ALDH1A1: variants seen among roughly 807,000 people sequenced by gnomAD.
ALDH1A1 encodes aldehyde dehydrogenase 1A1.
ALDH1A1 carries 19 observed loss-of-function variants against 62.1 expected under a neutral mutation model. The observed-to-expected ratio is 0.31, with a 90% CI of 0.21 to 0.45. The LOEUF (loss-of-function observed/expected upper bound fraction) is 0.45. ALDH1A1 is among the 20% of genes least tolerant of loss of function. The pLI, the probability that ALDH1A1 is intolerant of heterozygous loss-of-function variation, is 1.00. For synonymous variants in ALDH1A1, 231 were observed against 215.9 expected, an observed-to-expected ratio of 1.07 and a Z score of -0.61; for missense variants, 521 against 607.1, an observed-to-expected ratio of 0.86 and a Z score of 1.49.
intron 2 of ALDH1A1, among the ~76,000 whole-genome samples, chr9:72,936,465 G>A (rs981261491): frequency 6.6e-6 from 1 of 152,136 alleles, no homozygotes; most frequent in Non-Finnish European, 1.5e-5. Flanking sequence ...GAGAGAGAAA[G>A]TATGTAGCTC....
chr9:72,902,570 A>G (rs1241748361), intron 12 of ALDH1A1, among the ~76,000 whole-genome samples: 5 of 152,036 alleles, frequency 3.3e-5, no homozygotes, highest in Admixed American at 6.6e-5. Context: ...TAATATTTTA[A>G]TAAGTATTTT....
intron 10 of ALDH1A1, among the ~76,000 whole-genome samples, chr9:72,911,509 C>G (rs543052806): frequency 6.6e-6 from 1 of 152,150 alleles, no homozygotes; most frequent in Non-Finnish European, 1.5e-5. Flanking sequence ...TTTCCCAACC[C>G]TCATCCTCCA....
intron 1 of ALDH1A1, among the ~76,000 whole-genome samples, chr9:72,947,671 A>G (rs1407375088): frequency 6.6e-6 from 1 of 151,966 alleles, no homozygotes; most frequent in Non-Finnish European, 1.5e-5. Context: ...TTGATATTTA[A>G]GGAAAAAAGG....
intron 12 of ALDH1A1, 63 bp from the exon 13 acceptor site, chr9:72,901,343 T>A (rs1289620361): frequency 2.6e-6 from 3 of 1,163,304 alleles, no homozygotes; most frequent in Admixed American, 1.8e-5. Context: ...TATACTGTAG[T>A]TCATGTTTGG....
In ALDH1A1 at chr9:72,940,284, C is replaced by T. The variant is rs201264487; in HGVS notation, c.67-32G>A. 3.7e-5 allele frequency: 57 copies of T among 1,537,868 alleles called. No individual in the cohort carries two copies. The African/African-American group carries it at 5.1e-4, about 14-fold the overall frequency. ...AGATGAAGAGAAAATACATACAAGG[C>T]GCTTAAATATGCAGAAAATTTTGGA... On this transcript the variant is annotated intron_variant, in intron 1 of 12. Coordinates refer to ENST00000297785, the MANE Select transcript of ALDH1A1 (RefSeq NM_000689.5).
intron 1 of ALDH1A1, among the ~76,000 whole-genome samples, chr9:72,944,882 C>G (rs531386059): frequency 6.6e-6 from 1 of 152,110 alleles, no homozygotes; most frequent in Admixed American, 6.6e-5. Flanking sequence ...ATTATAAATG[C>G]CTATGCATAC....
At position 72,928,885 on chromosome 9, in the gene ALDH1A1, T is replaced by C; in HGVS notation, c.442+7A>G. On this transcript the variant is annotated splice_region_variant and intron_variant, in intron 4 of 12. Transcript: ENST00000297785. ...CTCACCATTAGTGGTTTCTCAAAGATACTTACCAATTGGTATTGTACGGCC... is the reference window on the plus strand; with the variant it reads ...CTCACCATTAGTGGTTTCTCAAAGACACTTACCAATTGGTATTGTACGGCC... 6.2e-7 allele frequency: 1 copy of C among 1,613,156 alleles called. No homozygotes were observed. The highest frequency in any genetic ancestry group is 8.5e-7 in the Non-Finnish European group (1 of 1,179,598).
chr9:72,945,177 T>A lies in ALDH1A1; in HGVS notation c.67-4925A>T, dbSNP rs1830461560. 2.6e-5 allele frequency among the ~76,000 whole-genome samples: 4 copies of A among 152,082 alleles called. No homozygotes were observed. In the South Asian group the frequency reaches 8.3e-4, roughly 31 times the overall value. Reference sequence around the variant, plus strand: ...ATAAGCATAATTTTCTCAAAATATTTCTGGCTTGGATAAAGCTAGTTTTGA... The same window carrying A: ...ATAAGCATAATTTTCTCAAAATATTACTGGCTTGGATAAAGCTAGTTTTGA... On this transcript the variant is annotated intron_variant, in intron 1 of 12. Transcript: ENST00000297785.
chr9:72,911,989 A>G lies in ALDH1A1; in HGVS notation c.1169T>C (p.Val390Ala). The G allele has an allele frequency of 1.9e-6, 3 of 1,614,014 alleles. No homozygotes were observed. Among genetic ancestry groups the G allele is most frequent in the Non-Finnish European group, 2.5e-6 (3 of 1,179,916 alleles). ...YFVQPTVFSN[V>A]TDEMRIAKEE... ...TTTGGCAATGCGCATCTCATCTGTA[A>G]CATTAGAGAACACTGTGGGCTGGAC... The change falls in exon 10 of 13, where the codon GTT becomes GCT. Residue 390 changes from valine to alanine, a missense_variant. Val to Ala is a moderately conservative substitution (Grantham distance 64). Coordinates refer to ENST00000297785, the MANE Select transcript of ALDH1A1 (RefSeq NM_000689.5).
chr9:72,908,552 G>GAAAAGAAAGAAGA (rs1363942326), intron 11 of ALDH1A1, among the ~76,000 whole-genome samples: 1 of 91,896 alleles, frequency 1.1e-5, no homozygotes, highest in African/African-American at 5.1e-5. Context: ...AGAAAAGAAA[G>GAAAAGAAAGAAGA]AAGAAAGAAA....
At chr9:72,902,044 T>C (rs1343692214) in intron 12 of ALDH1A1, among the ~76,000 whole-genome samples, 1 of 152,056 alleles carries the variant, frequency 6.6e-6, no homozygotes, top group Non-Finnish European at 1.5e-5. Flanking sequence ...TTTTTGCAGT[T>C]GTTGTTTTTT....
chr9:72,938,597 C>A (rs1331790494), intron 2 of ALDH1A1, among the ~76,000 whole-genome samples: 2 of 152,092 alleles, frequency 1.3e-5, no homozygotes, highest in Non-Finnish European at 2.9e-5. Flanking sequence ...CAGGCATGCG[C>A]CACCATGCCC....
chr9:72,923,981 A>G, intron 7 of ALDH1A1, 38 bp downstream of exon 7: 1 of 1,386,094 alleles, frequency 7.2e-7, no homozygotes, highest in Non-Finnish European at 1.0e-6. Flanking sequence ...CTGGCAATGC[A>G]GACATTCTTA....
chr9:72,935,847 G>T (rs1200682666), intron 2 of ALDH1A1, among the ~76,000 whole-genome samples: 4 of 151,994 alleles, frequency 2.6e-5, no homozygotes, highest in Non-Finnish European at 5.9e-5. Context: ...CAGCATATTA[G>T]GTTTACTGTG....
chr9:72,953,021 C>T lies in ALDH1A1; in HGVS notation c.-21G>A. 6.2e-7 allele frequency: 1 copy of T among 1,612,968 alleles called. No homozygotes were observed. Among genetic ancestry groups the T allele is most frequent in the Non-Finnish European group, 8.5e-7 (1 of 1,179,198 alleles). ...GACATTTCTGATTCGGCTCCTGGAA[C>T]ACAGGTGACTGGCTCAGCAATTTGG... On this transcript the variant is annotated 5_prime_UTR_variant, in exon 1 of 13. Transcript: ENST00000297785.
chr9:72,919,564 T>C (rs1755016912), intron 7 of ALDH1A1, among the ~76,000 whole-genome samples: 2 of 152,378 alleles, frequency 1.3e-5, no homozygotes, highest in East Asian at 1.9e-4. Context: ...CTGATCCAGA[T>C]TGTATTATTT....
chr9:72,940,248 A>C lies in ALDH1A1; in HGVS notation c.71T>G (p.Phe24Cys). ...TGAATCATGCCATTCATTGTTTATG[A>C]AGATCTGTAGAGATGAAGAGAAAAT... ...TDLKIQYTKIFINNEWHDSVS... is the reference protein window; with the variant it reads ...TDLKIQYTKICINNEWHDSVS... Residue 24 changes from phenylalanine to cysteine, a missense_variant, in exon 2 of 13, where the codon TTC (phenylalanine) becomes TGC (cysteine). Coordinates refer to ENST00000297785, the MANE Select transcript of ALDH1A1 (RefSeq NM_000689.5). The C allele has an allele frequency of 6.2e-7, 1 of 1,612,242 alleles. No homozygotes were observed. Among genetic ancestry groups the C allele is most frequent in the Non-Finnish European group, 8.5e-7 (1 of 1,178,574 alleles).
chr9:72,922,860 G>A (rs186668531), intron 7 of ALDH1A1, among the ~76,000 whole-genome samples: 144 of 152,222 alleles, frequency 9.5e-4, no homozygotes, highest in African/African-American at 3.3e-3. Flanking sequence ...ATCTCAATTA[G>A]GGAGTTGCAG....
chr9:72,912,278 G>A (rs1800711122), intron 9 of ALDH1A1, among the ~76,000 whole-genome samples, 156 bp from the exon 10 acceptor site: 1 of 152,028 alleles, frequency 6.6e-6, no homozygotes, highest in Admixed American at 6.6e-5. Flanking sequence ...TTCATTCTTT[G>A]GATATATTTT....
Sources: gnomAD v4.1 joint callset for allele counts (sites outside exome capture counted in the v4.1 genomes callset) on GRCh38, gnomAD v4.1.1 for gene constraint, MANE v1.5 for transcripts, NCBI Gene and HGNC (gene_info 2026-07-23, HGNC 2026-07-21) for gene names.